The following GALNT18 variants were observed in gnomAD, a reference collection of about 807,000 sequenced individuals.
GALNT18 encodes the protein polypeptide N-acetylgalactosaminyltransferase 18, also known as GalNAc-transferase 18.
GALNT18 carries 44 observed loss-of-function variants against 69.5 expected under a neutral mutation model. The observed-to-expected ratio is 0.63, with a 90% CI of 0.50 to 0.81. The LOEUF is 0.81. Ranked by LOEUF, GALNT18 falls within the 40% of genes least tolerant of loss-of-function variation. GALNT18 has a pLI of 0.00. For missense variants in GALNT18, 715 were observed against 810.0 expected, an observed-to-expected ratio of 0.88 and a Z score of 1.42; for synonymous variants, 364 against 318.2, an observed-to-expected ratio of 1.14 and a Z score of -1.53.
chr11:11,614,753 A>G lies in GALNT18; in HGVS notation c.235+6606T>C, dbSNP rs886379213. On this transcript the variant is annotated intron_variant, in intron 1 of 10. Coordinates refer to ENST00000227756, the MANE Select transcript of GALNT18 (RefSeq NM_198516.3). The surrounding 1 kb of genome is among the most constrained non-coding windows in gnomAD (Gnocchi z 5.6). Reference sequence around the variant, plus strand: ...AACTTCAAGGCCCTCATAAATGACAAAACCAGACGTGGCTCTCTGACACTT... The same window carrying G: ...AACTTCAAGGCCCTCATAAATGACAGAACCAGACGTGGCTCTCTGACACTT... Among the ~76,000 whole-genome samples, 1 of 152,202 alleles carries G rather than the reference A, an allele frequency of 6.6e-6. No homozygotes were observed. The highest frequency in any genetic ancestry group is 2.4e-5 in the African/African-American group (1 of 41,454).
chr11:11,277,315 TTC>T (rs1057184351), intron 10 of GALNT18, among the ~76,000 whole-genome samples: 5 of 152,206 alleles, frequency 3.3e-5, no homozygotes, highest in African/African-American at 1.2e-4. Context: ...GTTTACAGTA[TTC>T]TGATGGTAGT....
chr11:11,492,898 C>T (rs1331993246), intron 1 of GALNT18, among the ~76,000 whole-genome samples: 5 of 147,454 alleles, frequency 3.4e-5, no homozygotes, highest in Non-Finnish European at 6.1e-5. Flanking sequence ...TATCCCAGAA[C>T]TTAAAGTAAA....
At chr11:11,476,149 C>G (rs1287958213) in intron 1 of GALNT18, 1 of 152,202 alleles carries the variant, frequency 6.6e-6, no homozygotes, top group African/African-American at 2.4e-5. Context: ...TTCATATCTT[C>G]CAGCCAGGTC....
intron 3 of GALNT18, among the ~76,000 whole-genome samples, chr11:11,403,753 G>A (rs1313073480): frequency 1.3e-5 from 2 of 152,182 alleles, no homozygotes; most frequent in African/African-American, 4.8e-5. Flanking sequence ...ACTGTGCTGT[G>A]AACTCTGCTA....
chr11:11,428,184 A>C (rs954347507), intron 3 of GALNT18, among the ~76,000 whole-genome samples: 1 of 152,204 alleles, frequency 6.6e-6, no homozygotes, highest in Non-Finnish European at 1.5e-5. Context: ...CCCCGCGTGG[A>C]GTCTGCACAG....
rs188336179 is a variant in GALNT18 at position 11,374,286 on chromosome 11, G to A, written c.978-1657C>T. ...AGTTCCCTAGCCTCTCTGAGCCTCC[G>A]ATTCCATATCTGTAACATAGGATCT... On this transcript the variant is annotated intron_variant, in intron 5 of 10. Transcript: ENST00000227756. Among the ~76,000 whole-genome samples, 331 of 152,262 alleles carry A rather than the reference G, an allele frequency of 2.2e-3. 4 individuals are homozygous for A. Among genetic ancestry groups the A allele is most frequent in the Admixed American group, 0.016 (242 of 15,292 alleles).
intron 1 of GALNT18, chr11:11,475,551 C>T (rs549121965): frequency 6.6e-6 from 1 of 152,300 alleles, no homozygotes; most frequent in East Asian, 1.9e-4. Context: ...CATCTAAAAG[C>T]ATACTTTAAA....
intron 6 of GALNT18, among the ~76,000 whole-genome samples, chr11:11,363,125 A>G (rs932938628): frequency 1.3e-5 from 2 of 152,224 alleles, no homozygotes; most frequent in Non-Finnish European, 2.9e-5. Flanking sequence ...TTTTCAAAGT[A>G]TTAAGTAAAA....
At chr11:11,278,547 G>A (rs1203261829) in intron 10 of GALNT18, among the ~76,000 whole-genome samples, 1 of 151,958 alleles carries the variant, frequency 6.6e-6, no homozygotes, top group African/African-American at 2.4e-5. Flanking sequence ...CAACAACATG[G>A]ATAGAACGGG....
intron 1 of GALNT18, among the ~76,000 whole-genome samples, chr11:11,462,489 C>T (rs939167119): frequency 6.6e-6 from 1 of 151,756 alleles, no homozygotes; most frequent in African/African-American, 2.4e-5. Flanking sequence ...GGTGGGGTTT[C>T]ACCATGTTGG....
In GALNT18 at chr11:11,387,253, C is replaced by T. The variant is rs1854079716; in HGVS notation, c.596-7989G>A. Among the ~76,000 whole-genome samples the T allele has an allele frequency of 6.6e-6, 1 of 152,170 alleles. No homozygotes were observed. The highest frequency in any genetic ancestry group is 1.5e-5 in the Non-Finnish European group (1 of 68,028). On this transcript the variant is annotated intron_variant, in intron 3 of 10. Coordinates refer to ENST00000227756, the MANE Select transcript of GALNT18 (RefSeq NM_198516.3). The surrounding 1 kb of genome is among the most constrained non-coding windows in gnomAD (Gnocchi z 4.6). ...GCTGCTTTTCGTTTCTCTACTTGGC[C>T]ATCTTTGGGTCTGATGTTTTGGACT... is the stretch of plus-strand genomic sequence containing the variant.
intron 1 of GALNT18, among the ~76,000 whole-genome samples, chr11:11,554,893 G>A (rs1173395502): frequency 1.3e-5 from 2 of 152,172 alleles, no homozygotes; most frequent in Non-Finnish European, 2.9e-5. Context: ...TCTCTGAGCA[G>A]GGGTGAGGGT....
In GALNT18 at chr11:11,592,690, T is replaced by A. The variant is rs185283502; in HGVS notation, c.235+28669A>T. On this transcript the variant is annotated intron_variant, in intron 1 of 10. Coordinates refer to ENST00000227756, the MANE Select transcript of GALNT18 (RefSeq NM_198516.3). The surrounding 1 kb of genome is among the most constrained non-coding windows in gnomAD (Gnocchi z 5.9). ...AATCCCACCACTCCCCAAAGCACAT[T>A]TGGGAGTTCCAACTCTTTGAAAAGC... Among the ~76,000 whole-genome samples the A allele has an allele frequency of 1.1e-4, 17 of 152,246 alleles. No individual in the cohort carries two copies. The East Asian group carries it at 2.3e-3, about 21-fold the overall frequency.
rs1283895222 is a variant in GALNT18 at position 11,587,891 on chromosome 11, A to AG, written c.235+33467dup. On this transcript the variant is annotated intron_variant, in intron 1 of 10. Transcript: ENST00000227756. This position sits in a 1 kb window ranked among gnomAD's most constrained non-coding sequence, Gnocchi z 4.4. ...GAAATCCGAAAGGAAAGAGAGAGGCAGGGGGAGAAAGGAAGCCTTTCTACT... is the reference window on the plus strand; with the variant it reads ...GAAATCCGAAAGGAAAGAGAGAGGCAGGGGGGAGAAAGGAAGCCTTTCTACT... Among the ~76,000 whole-genome samples the AG allele has an allele frequency of 3.9e-5, 6 of 152,164 alleles. No homozygotes were observed. The highest frequency in any genetic ancestry group is 1.4e-4 in the African/African-American group (6 of 41,444).
At position 11,471,012 on chromosome 11, in the gene GALNT18, T is replaced by C. The variant is rs140706008; in HGVS notation, c.236-22076A>G. Among the ~76,000 whole-genome samples the C allele has an allele frequency of 7.2e-4, 110 of 152,328 alleles. 2 individuals are homozygous for C. The East Asian group carries it at 0.02, about 27-fold the overall frequency. ...TATCCCTCTTTCTCCTGTATCTTCC[T>C]TCCCTGCCTTTCCTCAGGACCATTT... On this transcript the variant is annotated intron_variant, in intron 1 of 10. Transcript: ENST00000227756.
chr11:11,483,486 T>C (rs886995371), intron 1 of GALNT18, among the ~76,000 whole-genome samples: 6 of 152,218 alleles, frequency 3.9e-5, no homozygotes, highest in Non-Finnish European at 8.8e-5. Flanking sequence ...GGATGTCCAC[T>C]GGACATTATT....
In GALNT18 at chr11:11,439,613, G is replaced by A. The variant is rs533639083; in HGVS notation, c.429-6826C>T. 6.6e-6 allele frequency among the ~76,000 whole-genome samples: 1 copy of A among 152,232 alleles called. No individual in the cohort carries two copies. Among genetic ancestry groups the A allele is most frequent in the South Asian group, 2.1e-4 (1 of 4,836 alleles). On this transcript the variant is annotated intron_variant, in intron 2 of 10. Transcript: ENST00000227756. The surrounding 1 kb of genome is among the most constrained non-coding windows in gnomAD (Gnocchi z 4.4). Reference sequence around the variant, plus strand: ...CTCCACTAGACTATAAGCTGTACAAGGTTAGGGCCGTGTCTGCTTTGCTCA... The same window carrying A: ...CTCCACTAGACTATAAGCTGTACAAAGTTAGGGCCGTGTCTGCTTTGCTCA...
Position 11,583,858 on chromosome 11 carries a change from T to G in GALNT18, c.235+37501A>C, listed in dbSNP as rs967526037. On this transcript the variant is annotated intron_variant, in intron 1 of 10. Transcript: ENST00000227756. The surrounding 1 kb of genome is among the most constrained non-coding windows in gnomAD (Gnocchi z 4.7). ...GGAGGGAGAAATAAAGAAATAGCCC[T>G]GTCTGCAAGGAGCAGATGATCTCAA... Among the ~76,000 whole-genome samples the G allele has an allele frequency of 6.6e-6, 1 of 152,142 alleles. No individual in the cohort carries two copies. Among genetic ancestry groups the G allele is most frequent in the Admixed American group, 6.5e-5 (1 of 15,278 alleles).
chr11:11,603,273 T>A lies in GALNT18; in HGVS notation c.235+18086A>T, dbSNP rs1326155520. 1.3e-5 allele frequency among the ~76,000 whole-genome samples: 2 copies of A among 152,178 alleles called. No individual in the cohort carries two copies. The highest frequency in any genetic ancestry group is 2.9e-5 in the Non-Finnish European group (2 of 68,024). On this transcript the variant is annotated intron_variant, in intron 1 of 10. Transcript: ENST00000227756. The surrounding 1 kb of genome is among the most constrained non-coding windows in gnomAD (Gnocchi z 4.5). ...CCGTCCTCCAAGGCTGTAAACAGAT[T>A]GTTTTGCTCCAACACTGGCTCAGTT...
Sources: allele counts gnomAD v4.1 joint callset (sites outside exome capture counted in the v4.1 genomes callset), GRCh38; gene constraint gnomAD v4.1.1; non-coding constraint Gnocchi (gnomAD v3.1); transcripts MANE v1.5; gene names NCBI Gene and HGNC (gene_info 2026-07-23, HGNC 2026-07-21).